Variants in CIMIP6 observed in about 807,000 individuals in gnomAD.
CIMIP6 encodes uncharacterized protein C2orf73.
the CIMIP6 span, among the ~76,000 whole-genome samples, chr2:54,350,977 T>C: frequency 6.6e-6 from 1 of 152,250 alleles, no homozygotes; most frequent in South Asian, 2.1e-4. Context: ...ATTTTTAATT[T>C]CAAAGAGAGC....
chr2:54,365,391 T>G, the CIMIP6 span, among the ~76,000 whole-genome samples: 2 of 151,642 alleles, frequency 1.3e-5, no homozygotes, highest in Non-Finnish European at 2.9e-5. Flanking sequence ...AATCCCAAGA[T>G]GAGATGGTTA....
the CIMIP6 span, among the ~76,000 whole-genome samples, chr2:54,338,889 T>C: frequency 2.7e-5 from 2 of 74,408 alleles, 1 homozygote; most frequent in African/African-American, 9.1e-5. Context: ...CGGTGGCTCA[T>C]GCCTGCTATC....
chr2:54,369,719 C>T, the CIMIP6 span, among the ~76,000 whole-genome samples: 1 of 152,162 alleles, frequency 6.6e-6, no homozygotes, highest in Admixed American at 6.5e-5. Flanking sequence ...TCCCAGGCCA[C>T]AAGGTAGTTT....
chr2:54,343,090 T>C, the CIMIP6 span, among the ~76,000 whole-genome samples: 74 of 152,314 alleles, frequency 4.9e-4, 1 homozygote, highest in African/African-American at 1.8e-3. Context: ...TTTATCAAAC[T>C]GAGTCATTAG....
the CIMIP6 span, among the ~76,000 whole-genome samples, chr2:54,357,285 A>C: frequency 1.3e-5 from 2 of 152,238 alleles, no homozygotes; most frequent in Admixed American, 1.3e-4. Flanking sequence ...TCTGAATATC[A>C]AAGTGAATTC....
chr2:54,336,248 A>G, the CIMIP6 span, among the ~76,000 whole-genome samples: 89 of 152,278 alleles, frequency 5.8e-4, no homozygotes, highest in Middle Eastern at 0.02. Flanking sequence ...AAGTTCCCCT[A>G]TGCCCTTTTG....
chr2:54,363,565 C>A, the CIMIP6 span, among the ~76,000 whole-genome samples: 1 of 152,174 alleles, frequency 6.6e-6, no homozygotes, highest in South Asian at 2.1e-4. Flanking sequence ...CAGGTCATCT[C>A]TACACAGGTT....
the CIMIP6 span, among the ~76,000 whole-genome samples, chr2:54,355,288 A>G: frequency 2.6e-5 from 4 of 152,296 alleles, no homozygotes; most frequent in South Asian, 6.2e-4. Flanking sequence ...AAATTTCTCT[A>G]TTAAATGTCT....
the CIMIP6 span, among the ~76,000 whole-genome samples, chr2:54,377,300 G>T: frequency 1.3e-5 from 2 of 152,030 alleles, no homozygotes; most frequent in Non-Finnish European, 2.9e-5. Context: ...ATATCAATTG[G>T]GAAGAGATGT....
the CIMIP6 span, among the ~76,000 whole-genome samples, chr2:54,367,274 C>T: frequency 1.3e-5 from 2 of 152,066 alleles, no homozygotes; most frequent in South Asian, 2.1e-4. Context: ...TGAGGATGTT[C>T]TTTCATGAAA....
At chr2:54,357,693 C>T in the CIMIP6 span, among the ~76,000 whole-genome samples, 1 of 151,722 alleles carries the variant, frequency 6.6e-6, no homozygotes, top group Non-Finnish European at 1.5e-5. Context: ...TCTCCAGCCT[C>T]ACCCTCCTGA....
chr2:54,342,659 C>A, the CIMIP6 span, among the ~76,000 whole-genome samples: 1 of 151,180 alleles, frequency 6.6e-6, no homozygotes, highest in Admixed American at 6.6e-5. Context: ...ATCAATGTAG[C>A]CTTAATTGTA....
At chr2:54,344,016 T>A in the CIMIP6 span, 1 of 696,236 alleles carries the variant, frequency 1.4e-6, no homozygotes, top group Non-Finnish European at 2.1e-6. Context: ...AATACAGCCC[T>A]TGGGAAGTTT....
chr2:54,343,248 G>A, the CIMIP6 span, among the ~76,000 whole-genome samples: 2 of 152,228 alleles, frequency 1.3e-5, 1 homozygote, highest in South Asian at 4.1e-4. Flanking sequence ...AGCATTGTGT[G>A]CTCTTGTATG....
the CIMIP6 span, among the ~76,000 whole-genome samples, chr2:54,332,837 T>C: frequency 6.6e-6 from 1 of 152,204 alleles, no homozygotes; most frequent in Non-Finnish European, 1.5e-5. Flanking sequence ...CCCCAAAGAC[T>C]CTACCTTTAA....
the CIMIP6 span, among the ~76,000 whole-genome samples, chr2:54,337,848 C>T: frequency 2.0e-5 from 3 of 152,200 alleles, no homozygotes; most frequent in African/African-American, 4.8e-5. Flanking sequence ...AGGAGAGTTA[C>T]AGAGAAAGAC....
chr2:54,364,023 T>G, the CIMIP6 span, among the ~76,000 whole-genome samples: 113,814 of 152,096 alleles, frequency 0.75, 42,730 homozygotes, highest in Non-Finnish European at 0.8. Flanking sequence ...TTTTCTGCAT[T>G]AAGATAAAAA....
the CIMIP6 span, among the ~76,000 whole-genome samples, chr2:54,375,889 T>G: frequency 1.3e-5 from 2 of 151,852 alleles, no homozygotes; most frequent in Non-Finnish European, 2.9e-5. Context: ...ATAGGGGGTG[T>G]GTGTGTGTGT....
At chr2:54,366,393 A>G in the CIMIP6 span, among the ~76,000 whole-genome samples, 1 of 152,156 alleles carries the variant, frequency 6.6e-6, no homozygotes, top group Non-Finnish European at 1.5e-5. Flanking sequence ...AAAGAAATAA[A>G]CTTCTATCTT....
Sources: allele counts gnomAD v4.1 joint callset (sites outside exome capture counted in the v4.1 genomes callset), GRCh38; gene constraint gnomAD v4.1.1; transcripts MANE v1.5; gene names NCBI Gene and HGNC (gene_info 2026-07-23, HGNC 2026-07-21).